The following ZSWIM4 variants were observed in gnomAD, a reference collection of about 807,000 sequenced individuals.
The protein encoded by ZSWIM4 is zinc finger SWIM domain-containing protein 4.
Under a neutral mutation model 102.5 loss-of-function variants are expected in ZSWIM4, and 62 were observed. The ratio of observed to expected loss-of-function variants is 0.60; its 90% CI spans 0.49 to 0.75. ZSWIM4 has a LOEUF of 0.75. ZSWIM4 is among the 30% of genes least tolerant of loss of function. The probability of loss-of-function intolerance (pLI) is 0.00; values close to 1 mark genes in which losing one functional copy is unlikely to be tolerated. For missense variants in ZSWIM4, 1,280 were observed against 1,529.6 expected (o/e 0.84, Z 2.72); for synonymous variants, 652 against 674.5 (o/e 0.97, Z 0.52).
At chr19:13,813,827 G>A (rs1451492935) in intron 6 of ZSWIM4, among the ~76,000 whole-genome samples, 1 of 150,954 alleles carries the variant, frequency 6.6e-6, no homozygotes, top group Non-Finnish European at 1.5e-5. Context: ...GGGCTGAGAT[G>A]GGAGAATCGC....
rs1169661561 is a variant in ZSWIM4 at position 13,809,995 on chromosome 19, T to TC, written c.1012+775_1012+776insC. ...TTGTTTGTTTTCTTTTCTTTTCTTT[T>TC]TTTTTTTTTGAGAAGGAGTCTCGCT... On this transcript the variant is annotated intron_variant, in intron 5 of 13. Transcript: ENST00000590508. This position sits in a 1 kb window ranked among gnomAD's most constrained non-coding sequence, Gnocchi z 4.2. Among the ~76,000 whole-genome samples the TC allele has an allele frequency of 1.3e-5, 2 of 151,544 alleles. No individual in the cohort carries two copies. The highest frequency in any genetic ancestry group is 2.1e-4 in the South Asian group (1 of 4,802).
intron 3 of ZSWIM4, among the ~76,000 whole-genome samples, chr19:13,805,625 G>A (rs1302981874): frequency 6.6e-6 from 1 of 151,938 alleles, no homozygotes; most frequent in Non-Finnish European, 1.5e-5. Flanking sequence ...AAGGTGAGTA[G>A]TAGGTGGAGG....
In ZSWIM4 at chr19:13,831,489, G is replaced by A. The variant is rs60965837; in HGVS notation, c.*439G>A. ...CCTCCCCCACCCCCTACTGCTCAGG[G>A]CCCCCCATTATGCCACCTCCAAAGT... is the stretch of plus-strand genomic sequence containing the variant. On this transcript the variant is annotated 3_prime_UTR_variant, in exon 14 of 14. Coordinates refer to ENST00000590508, the MANE Select transcript of ZSWIM4 (RefSeq NM_001367834.3). The A allele has an allele frequency of 2.9e-4, 45 of 152,604 alleles. No individual in the cohort carries two copies. The highest frequency in any genetic ancestry group is 1.1e-3 in the African/African-American group (45 of 39,886). The allele number at this position is 152,604 out of a possible 1,614,324, so 9.5% of individuals were successfully genotyped here.
At chr19:13,801,042 C>G (rs1974757119) in intron 2 of ZSWIM4, among the ~76,000 whole-genome samples, 1 of 151,820 alleles carries the variant, frequency 6.6e-6, no homozygotes, top group South Asian at 2.1e-4. Flanking sequence ...ACATGGGAGG[C>G]CAAGGCAGGA....
rs145988602 is a variant in ZSWIM4, at chr19:13,800,868, G to A, written c.355+947G>A. On this transcript the variant is annotated intron_variant, in intron 2 of 13. Transcript: ENST00000590508. ...ATGTAAAGGAGGGGTGAGGCCAGAT[G>A]TGGTGGTTCACACCTGTGATCTCAA... Among the ~76,000 whole-genome samples, 1,100 of 152,314 alleles carry A rather than the reference G, an allele frequency of 7.2e-3. 16 individuals are homozygous for A. Among genetic ancestry groups the A allele is most frequent in the Non-Finnish European group, 8.5e-3 (581 of 68,022 alleles).
chr19:13,798,985 C>T (rs186076836), intron 1 of ZSWIM4, among the ~76,000 whole-genome samples: 64 of 152,040 alleles, frequency 4.2e-4, no homozygotes, highest in Middle Eastern at 6.8e-3. Context: ...GACGGGGTTT[C>T]GCCATGTTGG....
intron 2 of ZSWIM4, among the ~76,000 whole-genome samples, chr19:13,802,563 G>A (rs1306857894): frequency 6.7e-6 from 1 of 150,132 alleles, no homozygotes; most frequent in African/African-American, 2.5e-5. Context: ...CTGGGCAAGA[G>A]AGAGAGACTC....
At position 13,830,268 on chromosome 19, in the gene ZSWIM4, G is replaced by A; in HGVS notation, c.2539G>A (p.Val847Met). 1 of 1,613,980 alleles carries A rather than the reference G, an allele frequency of 6.2e-7. No homozygotes were observed. The highest frequency in any genetic ancestry group is 1.1e-5 in the South Asian group (1 of 91,088). ...AGTGGAGGCGGCTACCATCGTGGCA[G>A]TGACGGGCACCACACACGCCACTCT... ...TPVEAATIVA[V>M]TGTTHATLLR... The change falls in exon 14 of 14, where the codon GTG (valine) becomes ATG (methionine). Residue 847 changes from valine to methionine, a missense_variant. Coordinates refer to ENST00000590508, the MANE Select transcript of ZSWIM4 (RefSeq NM_001367834.3).
chr19:13,796,523 G>A (rs1974616777), intron 1 of ZSWIM4: 1 of 152,410 alleles, frequency 6.6e-6, no homozygotes, highest in Admixed American at 6.6e-5. Flanking sequence ...TTCCTCTTTC[G>A]GGGCTGCCCG....
At position 13,830,200 on chromosome 19, in the gene ZSWIM4, C is replaced by G; in HGVS notation, c.2471C>G (p.Ala824Gly). 1 of 1,610,530 alleles carries G rather than the reference C, an allele frequency of 6.2e-7. No homozygotes were observed. Among genetic ancestry groups the G allele is most frequent in the East Asian group, 2.2e-5 (1 of 44,826 alleles). Residue 824 changes from alanine (A) to glycine (G), a missense_variant, in exon 14 of 14, where the codon GCC becomes GGC. Coordinates refer to ENST00000590508, the MANE Select transcript of ZSWIM4 (RefSeq NM_001367834.3). ...CCTCACCTCCCACCAGGCCCGCAAG[C>G]CCTGATGAATATCATGCAGAACTGG... is the stretch of plus-strand genomic sequence containing the variant. ...VSCATEIGPQ[A>G]LMNIMQNWYS...
At chr19:13,807,758 G>C (rs1275119235) in intron 3 of ZSWIM4, among the ~76,000 whole-genome samples, 5 of 70,008 alleles carry the variant, frequency 7.1e-5, no homozygotes, top group African/African-American at 4.7e-4. Flanking sequence ...TGGATGCATG[G>C]ATGGATGGAT....
At position 13,809,486 on chromosome 19, in the gene ZSWIM4, C is replaced by T. The variant is rs994397161; in HGVS notation, c.1012+266C>T. 2.6e-4 allele frequency among the ~76,000 whole-genome samples: 39 copies of T among 152,140 alleles called. No individual in the cohort carries two copies. Among genetic ancestry groups the T allele is most frequent in the African/African-American group, 8.7e-4 (36 of 41,446 alleles). ...CCAGGGGTTGATACACACGTACACA[C>T]GTTTTCTTTGTTTTGAGACAGGGTA... On this transcript the variant is annotated intron_variant, in intron 5 of 13. Transcript: ENST00000590508. The surrounding 1 kb of genome is among the most constrained non-coding windows in gnomAD (Gnocchi z 4.2).
intron 1 of ZSWIM4, 78 bp from the exon 2 acceptor site, chr19:13,799,642 C>A (rs1568325073): frequency 7.0e-7 from 1 of 1,431,926 alleles, no homozygotes; most frequent in Non-Finnish European, 9.8e-7. Context: ...TGGCCTCAAG[C>A]GATCCTCCCT....
At position 13,823,498 on chromosome 19, in the gene ZSWIM4, A is replaced by G. The variant is rs1442257905; in HGVS notation, c.2213A>G (p.Lys738Arg). The part of the protein sequence containing the change: ...ELASTMLTAA[K>R]GDPKWLHTVL... ...GCTTCCACCATGTTGACGGCCGCCA[A>G]GGGTGAGGCTGGCAGCTGTCCCGAT... Residue 738 changes from lysine to arginine, a missense_variant and splice_region_variant, in exon 11 of 14, where the codon AAG becomes AGG. Physicochemically the swap from Lys to Arg is conservative, Grantham distance 26. Coordinates refer to ENST00000590508, the MANE Select transcript of ZSWIM4 (RefSeq NM_001367834.3). 6.4e-7 allele frequency: 1 copy of G among 1,567,206 alleles called. No individual in the cohort carries two copies. Among genetic ancestry groups the G allele is most frequent in the Non-Finnish European group, 8.7e-7 (1 of 1,155,562 alleles).
intron 12 of ZSWIM4, among the ~76,000 whole-genome samples, chr19:13,827,724 G>T (rs888933005): frequency 6.6e-6 from 1 of 152,130 alleles, no homozygotes; most frequent in East Asian, 1.9e-4. Context: ...TGGGGAGCAA[G>T]ACAAGGAGCT....
intron 3 of ZSWIM4, among the ~76,000 whole-genome samples, chr19:13,807,953 C>G (rs933280393): frequency 5.3e-5 from 8 of 152,152 alleles, no homozygotes; most frequent in Admixed American, 3.9e-4. Flanking sequence ...GCAAGCTACA[C>G]AGGCTTCTGC....
rs536935637 is a variant in ZSWIM4 at position 13,819,535 on chromosome 19, G to C, written c.2060+43G>C. 54 of 1,317,908 alleles carry C rather than the reference G, an allele frequency of 4.1e-5. 1 individual carries two copies. In the African/African-American group the frequency reaches 6.2e-4, roughly 15 times the overall value. The allele number at this position is 1,317,908 out of a possible 1,614,324, so 81.6% of individuals were successfully genotyped here. ...AGGCAGTGGCAGGGGGAGCTGGGGG[G>C]AAGAGGGGCGGGCATGGGGGGTAGC... On this transcript the variant is annotated intron_variant, in intron 10 of 13. Coordinates refer to ENST00000590508, the MANE Select transcript of ZSWIM4 (RefSeq NM_001367834.3).
At chr19:13,798,986 G>A (rs1974682995) in intron 1 of ZSWIM4, among the ~76,000 whole-genome samples, 1 of 151,412 alleles carries the variant, frequency 6.6e-6, no homozygotes, top group Admixed American at 6.6e-5. Flanking sequence ...ACGGGGTTTC[G>A]CCATGTTGGC....
Position 13,799,880 on chromosome 19 carries a change from A to G in ZSWIM4, c.314A>G (p.His105Arg). Reference protein sequence around the residue: ...DARVPFTRGLHLLQSGAVDRV... With the variant: ...DARVPFTRGLRLLQSGAVDRV... ...CGGGTGCCCTTTACCCGCGGGCTGC[A>G]CCTGCTCCAGAGCGGGGCCGTGGAC... Residue 105 changes from histidine (H) to arginine (R), a missense_variant, in exon 2 of 14, where the codon CAC (histidine) becomes CGC (arginine). Transcript: ENST00000590508. 6.2e-7 allele frequency: 1 copy of G among 1,613,218 alleles called. No homozygotes were observed. The highest frequency in any genetic ancestry group is 8.5e-7 in the Non-Finnish European group (1 of 1,179,972).
Sources: gnomAD v4.1 joint callset for allele counts (sites outside exome capture counted in the v4.1 genomes callset) on GRCh38, gnomAD v4.1.1 for gene constraint, Gnocchi (gnomAD v3.1) non-coding constraint, MANE v1.5 for transcripts, NCBI Gene and HGNC (gene_info 2026-07-23, HGNC 2026-07-21) for gene names.